Variants in TTC7B observed in about 807,000 individuals in gnomAD.
The protein encoded by TTC7B is tetratricopeptide repeat domain 7B, also known as tetratricopeptide repeat protein 7B.
Under a neutral mutation model 106.8 loss-of-function variants are expected in TTC7B, and 28 were observed. That is an observed-to-expected ratio of 0.26 (90% CI 0.19 to 0.36). The LOEUF (loss-of-function observed/expected upper bound fraction) is 0.36, where lower values mean the gene tolerates loss of function less well. Among genes scored for constraint, TTC7B ranks in the 10% least tolerant of loss-of-function variants. The probability of loss-of-function intolerance (pLI) is 1.00; values close to 1 mark genes in which losing one functional copy is unlikely to be tolerated. For synonymous variants in TTC7B, 405 were observed against 430.6 expected (o/e 0.94, Z 0.74); for missense variants, 862 against 1,076.4 (o/e 0.80, Z 2.79).
At chr14:90,673,273 A>G (rs1886701367) in intron 9 of TTC7B, among the ~76,000 whole-genome samples, 1 of 152,238 alleles carries the variant, frequency 6.6e-6, no homozygotes, top group Admixed American at 6.5e-5. Context: ...TTAGTCAACT[A>G]TCTCAGGAGA....
intron 3 of TTC7B, among the ~76,000 whole-genome samples, chr14:90,748,680 C>G (rs1262049208): frequency 6.6e-6 from 1 of 152,162 alleles, no homozygotes; most frequent in African/African-American, 2.4e-5. Context: ...AAGACCTTTA[C>G]AATTACATAC....
At chr14:90,638,189 G>A (rs1262137831) in intron 15 of TTC7B, among the ~76,000 whole-genome samples, 1 of 152,030 alleles carries the variant, frequency 6.6e-6, no homozygotes, top group Admixed American at 6.6e-5. Context: ...CCAGCTAAAT[G>A]TAATTCTTAA....
chr14:90,712,637 A>T (rs1273660838), intron 5 of TTC7B, among the ~76,000 whole-genome samples: 1 of 152,184 alleles, frequency 6.6e-6, no homozygotes, highest in Non-Finnish European at 1.5e-5. Context: ...AAATAAATGG[A>T]GAGAGGTTGG....
rs1199379941 is a variant in TTC7B, at chr14:90,757,350, A to T, written c.446-12428T>A. Among the ~76,000 whole-genome samples, 5 of 152,140 alleles carry T rather than the reference A, an allele frequency of 3.3e-5. No homozygotes were observed. The highest frequency in any genetic ancestry group is 1.2e-4 in the African/African-American group (5 of 41,428). On this transcript the variant is annotated intron_variant, in intron 3 of 19. Transcript: ENST00000328459. The surrounding 1 kb of genome is among the most constrained non-coding windows in gnomAD (Gnocchi z 4.1). The stretch of plus-strand genomic sequence containing the variant: ...TCCCAGCACTTTGGGAGGACAAGGT[A>T]GGAGTATCATTTGAGCCCAGGAGTT...
At chr14:90,621,112 G>C (rs1343882097) in intron 15 of TTC7B, among the ~76,000 whole-genome samples, 1 of 149,016 alleles carries the variant, frequency 6.7e-6, no homozygotes, top group Non-Finnish European at 1.5e-5. Context: ...GTTTGGCTGG[G>C]ATGATGGGCA....
At chr14:90,638,164 C>T (rs116871616) in intron 15 of TTC7B, among the ~76,000 whole-genome samples, 2,877 of 152,098 alleles carry the variant, frequency 0.019, 37 homozygotes, top group Non-Finnish European at 0.028. Context: ...GCATTACAGG[C>T]GTGGACCACT....
intron 7 of TTC7B, among the ~76,000 whole-genome samples, chr14:90,682,652 C>G (rs1430994781): frequency 6.6e-6 from 1 of 152,130 alleles, no homozygotes; most frequent in African/African-American, 2.4e-5. Flanking sequence ...ACCCAGGCCT[C>G]AGCCTTGAAG....
intron 5 of TTC7B, among the ~76,000 whole-genome samples, chr14:90,710,019 T>G (rs1888382494): frequency 7.2e-6 from 1 of 139,812 alleles, no homozygotes; most frequent in Non-Finnish European, 1.5e-5. Flanking sequence ...ATTTTCAGGC[T>G]GCTAACTGTC....
intron 18 of TTC7B, among the ~76,000 whole-genome samples, chr14:90,582,394 C>T (rs1189821361): frequency 6.6e-6 from 1 of 152,248 alleles, no homozygotes; most frequent in Non-Finnish European, 1.5e-5. Context: ...GTGCCTAGCC[C>T]ATAGCTCTCC....
In TTC7B at chr14:90,695,598, G is replaced by A; in HGVS notation, c.699-20C>T. ...AAGTTCCTGTGTGGACACAGAATTT[G>A]ACGGTTTTCATCTGGCATGTATTAA... On this transcript the variant is annotated intron_variant, in intron 5 of 19. Transcript: ENST00000328459. 2.6e-6 allele frequency: 4 copies of A among 1,547,690 alleles called. No individual in the cohort carries two copies. The highest frequency in any genetic ancestry group is 1.9e-5 in the Admixed American group (1 of 53,092).
At chr14:90,689,852 G>T (rs1003427319) in intron 6 of TTC7B, 140 bp from the exon 7 acceptor site, 57 of 888,698 alleles carry the variant, frequency 6.4e-5, no homozygotes, top group Non-Finnish European at 1.5e-5. Flanking sequence ...TTTCCTTTAC[G>T]ATGGTAATCA....
chr14:90,804,907 A>G (rs1361164768), intron 1 of TTC7B, among the ~76,000 whole-genome samples: 1 of 152,098 alleles, frequency 6.6e-6, no homozygotes, highest in Non-Finnish European at 1.5e-5. Context: ...GGTGGAGGGG[A>G]CCTGAACCCC....
At chr14:90,571,495 T>C (rs1891033889) in intron 19 of TTC7B, among the ~76,000 whole-genome samples, 1 of 152,260 alleles carries the variant, frequency 6.6e-6, no homozygotes, top group African/African-American at 2.4e-5. Context: ...AAATACTTCA[T>C]AAGCCTTGCT....
intron 1 of TTC7B, 102 bp downstream of exon 1, chr14:90,816,073 C>G (rs2031165516): frequency 1.0e-6 from 1 of 978,244 alleles, no homozygotes; most frequent in Non-Finnish European, 1.2e-6. Context: ...GCGGCCCGGC[C>G]GCGCCCCTGC....
At position 90,758,108 on chromosome 14, in the gene TTC7B, G is replaced by C. The variant is rs1245249041; in HGVS notation, c.446-13186C>G. ...AGAGCTCGGCTTGGTGAGTCCCTAAGAAGGCTCACTAATGCGAGGTTAATC... is the reference window on the plus strand; with the variant it reads ...AGAGCTCGGCTTGGTGAGTCCCTAACAAGGCTCACTAATGCGAGGTTAATC... On this transcript the variant is annotated intron_variant, in intron 3 of 19. Transcript: ENST00000328459. 2.6e-5 allele frequency among the ~76,000 whole-genome samples: 4 copies of C among 151,924 alleles called. No homozygotes were observed. In the East Asian group the frequency reaches 7.8e-4, roughly 30 times the overall value.
rs1030427054 is a variant in TTC7B, at chr14:90,577,478, G to C, written c.2310+628C>G. ...GGGTGGGAGCAGCAGGGCAACCCCAGGCTTTTGGCCCAGGCTGTAGACGAA... is the reference window on the plus strand; with the variant it reads ...GGGTGGGAGCAGCAGGGCAACCCCACGCTTTTGGCCCAGGCTGTAGACGAA... On this transcript the variant is annotated intron_variant, in intron 19 of 19. Coordinates refer to ENST00000328459, the MANE Select transcript of TTC7B (RefSeq NM_001010854.2). The surrounding 1 kb of genome is among the most constrained non-coding windows in gnomAD (Gnocchi z 5.0). Among the ~76,000 whole-genome samples, 2 of 152,206 alleles carry C rather than the reference G, an allele frequency of 1.3e-5. No homozygotes were observed. The highest frequency in any genetic ancestry group is 6.5e-5 in the Admixed American group (1 of 15,286).
At chr14:90,719,089 C>T (rs936493546) in intron 5 of TTC7B, among the ~76,000 whole-genome samples, 3 of 151,846 alleles carry the variant, frequency 2.0e-5, no homozygotes, top group East Asian at 1.9e-4. Context: ...GGTGAAACCC[C>T]GTCGCTACAA....
intron 19 of TTC7B, among the ~76,000 whole-genome samples, chr14:90,546,301 C>T (rs114470572): frequency 1.7e-3 from 259 of 152,342 alleles, no homozygotes; most frequent in African/African-American, 6.1e-3. Flanking sequence ...CTTCCCTGGG[C>T]TCCATGTGCT....
intron 5 of TTC7B, among the ~76,000 whole-genome samples, chr14:90,708,872 G>A (rs1420011346): frequency 6.6e-6 from 1 of 151,906 alleles, no homozygotes; most frequent in African/African-American, 2.4e-5. Context: ...AAAAGTGGGT[G>A]AAGGATATGA....
Sources: allele counts gnomAD v4.1 joint callset (sites outside exome capture counted in the v4.1 genomes callset), GRCh38; gene constraint gnomAD v4.1.1; non-coding constraint Gnocchi (gnomAD v3.1); transcripts MANE v1.5; gene names NCBI Gene and HGNC (gene_info 2026-07-23, HGNC 2026-07-21).